The following ADAMTSL1 variants were observed in gnomAD, a reference collection of about 807,000 sequenced individuals.
The protein encoded by ADAMTSL1 is ADAMTS-like protein 1.
Under a neutral mutation model 201.8 loss-of-function variants are expected in ADAMTSL1, and 126 were observed. That is an observed-to-expected ratio of 0.62 (90% confidence interval 0.54 to 0.72). ADAMTSL1 has a LOEUF of 0.72. Ranked by LOEUF, ADAMTSL1 falls within the 30% of genes least tolerant of loss-of-function variation. ADAMTSL1 has a pLI of 0.00. For synonymous variants in ADAMTSL1, 1,121 were observed against 903.4 expected, an observed-to-expected ratio of 1.24 and a Z score of -4.32; for missense variants, 2,679 against 2,277.8, an observed-to-expected ratio of 1.18 and a Z score of -3.59.
intron 2 of ADAMTSL1, among the ~76,000 whole-genome samples, chr9:18,175,821 G>A (rs1001118098): frequency 6.6e-6 from 1 of 151,980 alleles, no homozygotes; most frequent in Non-Finnish European, 1.5e-5. Context: ...TCCTCAGGCT[G>A]CCTGGAAGAC....
At chr9:18,191,327 C>G (rs184172315) in intron 2 of ADAMTSL1, among the ~76,000 whole-genome samples, 100 of 152,238 alleles carry the variant, frequency 6.6e-4, no homozygotes, top group African/African-American at 2.3e-3. Flanking sequence ...CCTGTCTTGT[C>G]CAGCCACCCT....
chr9:18,841,754 G>C (rs189672432), intron 23 of ADAMTSL1, among the ~76,000 whole-genome samples: 67,451 of 151,848 alleles, frequency 0.44, 15,188 homozygotes, highest in African/African-American at 0.47. Context: ...CTTCTTCCTG[G>C]TTTAGTCTTG....
At chr9:17,945,828 AG>A (rs1450526265) in intron 1 of ADAMTSL1, among the ~76,000 whole-genome samples, 4 of 60,638 alleles carry the variant, frequency 6.6e-5, no homozygotes, top group Admixed American at 2.8e-4. Context: ...GGGTGGGGGG[AG>A]GGGGGAGGGA....
intron 2 of ADAMTSL1, among the ~76,000 whole-genome samples, chr9:18,452,105 G>T (rs1339454283): frequency 6.6e-6 from 1 of 152,018 alleles, no homozygotes. Flanking sequence ...TAGAGATGGG[G>T]TTTCTCCATG....
intron 1 of ADAMTSL1, among the ~76,000 whole-genome samples, chr9:18,154,726 T>A (rs1827074734): frequency 6.6e-6 from 1 of 152,090 alleles, no homozygotes; most frequent in Non-Finnish European, 1.5e-5. Flanking sequence ...AAAAACAATT[T>A]TTTTGAAGAA....
chr9:18,085,481 G>A (rs1254225541), intron 1 of ADAMTSL1, among the ~76,000 whole-genome samples: 3 of 149,426 alleles, frequency 2.0e-5, no homozygotes, highest in Non-Finnish European at 4.5e-5. Context: ...ATATGTGTGT[G>A]CATATATATA....
intron 3 of ADAMTSL1, among the ~76,000 whole-genome samples, chr9:18,569,785 T>C (rs544440528): frequency 1.3e-5 from 2 of 152,368 alleles, no homozygotes; most frequent in East Asian, 3.9e-4. Context: ...TGTAAGCATA[T>C]TTAAACCATA....
chr9:18,494,878 T>C (rs368400080), intron 1 of ADAMTSL1, among the ~76,000 whole-genome samples: 1 of 152,114 alleles, frequency 6.6e-6, no homozygotes, highest in African/African-American at 2.4e-5. Context: ...AGTGGAGCCA[T>C]AGAAAATCTC....
intron 2 of ADAMTSL1, among the ~76,000 whole-genome samples, chr9:18,304,200 C>T (rs995852843): frequency 6.6e-6 from 1 of 151,742 alleles, no homozygotes; most frequent in African/African-American, 2.4e-5. Flanking sequence ...TCACATAGAA[C>T]CCAATTTGTT....
chr9:18,779,627 A>G (rs559782353), intron 19 of ADAMTSL1, among the ~76,000 whole-genome samples: 13 of 152,086 alleles, frequency 8.5e-5, no homozygotes, highest in Middle Eastern at 6.8e-3. Flanking sequence ...AGCCCCCACA[A>G]CTCATACTTT....
chr9:18,862,444 A>AT (rs1225988462), intron 23 of ADAMTSL1, among the ~76,000 whole-genome samples: 7 of 152,182 alleles, frequency 4.6e-5, no homozygotes, highest in Non-Finnish European at 7.3e-5. Flanking sequence ...AGAAGGGAAT[A>AT]TTCATAGAGT....
chr9:18,095,416 CTTTTTTTT>C (rs35164794), intron 1 of ADAMTSL1, among the ~76,000 whole-genome samples: 8 of 100,126 alleles, frequency 8.0e-5, no homozygotes, highest in Admixed American at 3.8e-4. Context: ...TTCTTTCTTT[CTTTTTTTT>C]TTTTTTTTTT....
intron 4 of ADAMTSL1, among the ~76,000 whole-genome samples, chr9:18,585,312 G>A (rs928910772): frequency 1.3e-5 from 2 of 152,138 alleles, no homozygotes; most frequent in Non-Finnish European, 2.9e-5. Context: ...TTAAGTGTAA[G>A]CTTCACAAAA....
intron 2 of ADAMTSL1, 75 bp downstream of exon 2, chr9:18,505,031 T>C (rs1564003363): frequency 3.3e-6 from 5 of 1,514,528 alleles, no homozygotes; most frequent in Non-Finnish European, 3.5e-6. Flanking sequence ...TGTGATTGGG[T>C]TTATGGAGAA....
chr9:18,710,783 G>T (rs997374550), intron 14 of ADAMTSL1, among the ~76,000 whole-genome samples: 5 of 149,814 alleles, frequency 3.3e-5, no homozygotes, highest in African/African-American at 1.2e-4. Flanking sequence ...AAATACTGTG[G>T]CTCCTTGTTG....
intron 2 of ADAMTSL1, among the ~76,000 whole-genome samples, chr9:18,529,307 A>G (rs1440691644): frequency 6.6e-6 from 1 of 152,176 alleles, no homozygotes; most frequent in Non-Finnish European, 1.5e-5. Context: ...ATATAATAAC[A>G]ACAAGACAGG....
At chr9:18,029,510 C>T (rs1820845883) in intron 1 of ADAMTSL1, among the ~76,000 whole-genome samples, 1 of 152,100 alleles carries the variant, frequency 6.6e-6, no homozygotes, top group East Asian at 1.9e-4. Context: ...GTCTAAAACA[C>T]CAAAAGCAAT....
At chr9:18,019,001 T>C (rs569959743) in intron 1 of ADAMTSL1, among the ~76,000 whole-genome samples, 2 of 152,172 alleles carry the variant, frequency 1.3e-5, no homozygotes, top group East Asian at 3.9e-4. Flanking sequence ...TAAAGTACCT[T>C]GAACACATTA....
chr9:18,445,874 G>A (rs1305589259), intron 2 of ADAMTSL1, among the ~76,000 whole-genome samples: 3 of 152,118 alleles, frequency 2.0e-5, no homozygotes, highest in African/African-American at 7.2e-5. Flanking sequence ...TAAGGAGCTA[G>A]TAGTGACTAT....
Sources: gnomAD v4.1 joint callset for allele counts (sites outside exome capture counted in the v4.1 genomes callset) on GRCh38, gnomAD v4.1.1 for gene constraint, MANE v1.5 for transcripts, NCBI Gene and HGNC (gene_info 2026-07-23, HGNC 2026-07-21) for gene names.